SCN7A: variants seen among roughly 807,000 people sequenced by gnomAD.
SCN7A encodes sodium voltage-gated channel alpha subunit 7.
In SCN7A, 138 loss-of-function variants were observed where a neutral mutation model predicts 155.2. The observed-to-expected ratio is 0.89, with a 90% CI of 0.77 to 1.02. SCN7A has a LOEUF of 1.02. SCN7A is among the 50% of genes least tolerant of loss of function. The pLI is 0.00. For synonymous variants in SCN7A, 693 were observed against 649.0 expected (o/e 1.07, Z -1.03); for missense variants, 2,058 against 1,986.6 (o/e 1.04, Z -0.68).
intron 2 of SCN7A, among the ~76,000 whole-genome samples, chr2:166,480,445 G>A (rs1292224424): frequency 7.0e-6 from 1 of 141,852 alleles, no homozygotes; most frequent in African/African-American, 2.6e-5. Flanking sequence ...GTGAAAGAGC[G>A]AGACTCCGTC....
chr2:166,406,377 CA>C lies in SCN7A; in HGVS notation c.4251del (p.Phe1417LeufsTer69), dbSNP rs778293659. 2 of 1,613,044 alleles carry C rather than the reference CA, an allele frequency of 1.2e-6. No homozygotes were observed. The highest frequency in any genetic ancestry group is 3.3e-5 in the Admixed American group (2 of 59,866). ...KEAGINDVSN[F>X]ETFGNSMLCL... Reference sequence around the variant, plus strand: ...CAGAGCATACTGTTGCCAAAGGTTTCAAAATTAGACACATCATTAATTCCAG... The same window carrying C: ...CAGAGCATACTGTTGCCAAAGGTTTCAAATTAGACACATCATTAATTCCAG... On this transcript the variant is annotated frameshift_variant, in exon 26 of 26. Coordinates refer to ENST00000643258, the MANE Select transcript of SCN7A (RefSeq NM_002976.4). LOFTEE classifies it high-confidence loss of function.
In SCN7A at chr2:166,406,157, T is replaced by C. The variant is rs1461010221; in HGVS notation, c.4472A>G (p.Tyr1491Cys). 1 of 1,612,006 alleles carries C rather than the reference T, an allele frequency of 6.2e-7. No homozygotes were observed. Among genetic ancestry groups the C allele is most frequent in the African/African-American group, 1.3e-5 (1 of 74,790 alleles). ...LISWLIIVNM[Y>C]IVVVMEFLNI... ...TAAAAACTCCATGACAACAACAATG[T>C]ACATATTTACAATGATCAGCCATGA... Residue 1491 changes from tyrosine to cysteine, a missense_variant, in exon 26 of 26, where the codon TAC becomes TGC. By Grantham distance (194) the Tyr-to-Cys change is radical. Transcript: ENST00000643258.
intron 11 of SCN7A, among the ~76,000 whole-genome samples, chr2:166,452,420 T>C (rs1702193426): frequency 6.6e-6 from 1 of 152,130 alleles, no homozygotes. Flanking sequence ...GTCCTTCAGA[T>C]ACAATTTAGT....
chr2:166,474,239 C>A lies in SCN7A; in HGVS notation c.340G>T (p.Val114Phe). ...FNCIRRTTIK[V>F]LVHPFFQLFI... ...AGAAAAGGATATGGATGTACCAAAA[C>A]CTTGATAGTTGTTCTTCTAATACAA... The change falls in exon 4 of 26, where the codon GTT (valine) becomes TTT (phenylalanine). Residue 114 changes from valine to phenylalanine, a missense_variant. By Grantham distance (50) the Val-to-Phe change is conservative. Transcript: ENST00000643258. 6.7e-7 allele frequency: 1 copy of A among 1,489,392 alleles called. No homozygotes were observed. The highest frequency in any genetic ancestry group is 2.0e-4 in the Middle Eastern group (1 of 4,932). 92.3% of individuals were successfully genotyped at this position (1,489,392 alleles called of 1,614,324 possible). A position where few individuals can be genotyped will look rare whatever the true frequency, so the allele number is the denominator to read the frequency against.
chr2:166,423,668 T>C (rs1210565560), intron 18 of SCN7A, among the ~76,000 whole-genome samples: 8 of 152,042 alleles, frequency 5.3e-5, no homozygotes, highest in African/African-American at 1.4e-4. Context: ...CTAGTTCTTA[T>C]ATAGGCTGAA....
In SCN7A at chr2:166,441,660, G is replaced by T. The variant is rs756465998; in HGVS notation, c.1893C>A (p.Val631=). 8 of 1,613,784 alleles carry T rather than the reference G, an allele frequency of 5.0e-6. No individual in the cohort carries two copies. In the South Asian group the frequency reaches 8.8e-5, roughly 18 times the overall value. The change falls in exon 15 of 26, where the codon GTC becomes GTA. Residue 631 remains valine (V), a synonymous_variant. Transcript: ENST00000643258. ...AGAAGATGAATGTGAACAACAACAG[G>T]ACCAAGTCTTTCAGGGCCACCCATG... ...SNSWVALKDL[V]LLLFTFIFFS...
intron 2 of SCN7A, among the ~76,000 whole-genome samples, chr2:166,479,792 T>C (rs960738482): frequency 2.6e-5 from 4 of 152,160 alleles, no homozygotes; most frequent in African/African-American, 9.7e-5. Flanking sequence ...AAGACAGGGA[T>C]ATTTTTGCAA....
intron 23 of SCN7A, among the ~76,000 whole-genome samples, chr2:166,410,590 T>C (rs1011586891): frequency 5.3e-5 from 8 of 151,890 alleles, no homozygotes; most frequent in East Asian, 1.9e-4. Context: ...TATTTTCACA[T>C]AGGGTTGTAA....
chr2:166,412,201 T>C (rs1418762718), intron 23 of SCN7A, among the ~76,000 whole-genome samples: 2 of 152,080 alleles, frequency 1.3e-5, no homozygotes, highest in African/African-American at 4.8e-5. Flanking sequence ...TGTTTTTTTC[T>C]GGAACTCTTC....
Position 166,405,764 on chromosome 2 carries a change from C to T in SCN7A, c.4865G>A (p.Arg1622Gln), listed in dbSNP as rs188781935. 4,049 of 1,612,850 alleles carry T rather than the reference C, an allele frequency of 2.5e-3. 4 individuals carry two copies. The highest frequency in any genetic ancestry group is 3.0e-3 in the Non-Finnish European group (3,585 of 1,179,278). Residue 1622 changes from arginine to glutamine, a missense_variant, in exon 26 of 26, where the codon CGA (arginine) becomes CAA (glutamine). Physicochemically the swap from Arg to Gln is conservative, Grantham distance 43. Coordinates refer to ENST00000643258, the MANE Select transcript of SCN7A (RefSeq NM_002976.4). Reference sequence around the variant, plus strand: ...GGTTGCTGAAACTGCCTCTTGTTTTCGTTTCAAAGTAGTCGTAATTGGCTC... The same window carrying T: ...GGTTGCTGAAACTGCCTCTTGTTTTTGTTTCAAAGTAGTCGTAATTGGCTC... ...TCEPITTTLK[R>Q]KQEAVSATII...
intron 11 of SCN7A, among the ~76,000 whole-genome samples, chr2:166,454,237 A>G (rs1172239300): frequency 6.6e-6 from 1 of 152,194 alleles, no homozygotes; most frequent in Admixed American, 6.6e-5. Flanking sequence ...TAATCACTCA[A>G]TCTGAAGGAC....
intron 7 of SCN7A, among the ~76,000 whole-genome samples, chr2:166,467,098 A>G: frequency 6.6e-6 from 1 of 152,024 alleles, no homozygotes; most frequent in East Asian, 1.9e-4. Flanking sequence ...TCAAAGTATT[A>G]TACTAGATAT....
intron 10 of SCN7A, among the ~76,000 whole-genome samples, chr2:166,460,282 C>A (rs970324490): frequency 6.6e-6 from 1 of 151,908 alleles, no homozygotes; most frequent in Non-Finnish European, 1.5e-5. Flanking sequence ...ATTTTGGGGG[C>A]AATAAGTGAA....
intron 10 of SCN7A, among the ~76,000 whole-genome samples, chr2:166,458,686 C>T (rs10930224): frequency 0.28 from 42,897 of 151,950 alleles, 6,608 homozygotes; most frequent in Non-Finnish European, 0.35. Context: ...ATACTTGGCA[C>T]AGTGTTCCAA....
At chr2:166,448,721 G>A (rs947765203) in intron 11 of SCN7A, among the ~76,000 whole-genome samples, 5 of 152,136 alleles carry the variant, frequency 3.3e-5, no homozygotes, top group Non-Finnish European at 7.4e-5. Context: ...AATGGTTGTG[G>A]TATGATCCAT....
chr2:166,486,571 A>T (rs1446501053), intron 2 of SCN7A, among the ~76,000 whole-genome samples: 1 of 152,168 alleles, frequency 6.6e-6, no homozygotes, highest in African/African-American at 2.4e-5. Context: ...TCGATCATAC[A>T]AGCTCTGGAG....
chr2:166,413,061 T>A lies in SCN7A; in HGVS notation c.3468+7A>T, dbSNP rs372122344. The A allele has an allele frequency of 1.3e-6, 2 of 1,526,664 alleles. No homozygotes were observed. The highest frequency in any genetic ancestry group is 1.8e-6 in the Non-Finnish European group (2 of 1,132,786). 94.6% of individuals were successfully genotyped at this position (1,526,664 alleles called of 1,614,324 possible). On this transcript the variant is annotated splice_region_variant and intron_variant, in intron 22 of 25. Transcript: ENST00000643258. Reference sequence around the variant, plus strand: ...TAACAATGGCTTTAAAATGATATTATACTTACAGCAACAGAATCAATTGCT... The same window carrying A: ...TAACAATGGCTTTAAAATGATATTAAACTTACAGCAACAGAATCAATTGCT...
rs1044479369 is a variant in SCN7A, at chr2:166,450,482, G to T, written c.1291-2774C>A. 6.6e-5 allele frequency among the ~76,000 whole-genome samples: 10 copies of T among 152,072 alleles called. No homozygotes were observed. In the East Asian group the frequency reaches 1.9e-3, roughly 29 times the overall value. On this transcript the variant is annotated intron_variant, in intron 11 of 25. Transcript: ENST00000643258. ...AAAATAAAAGTTGAGAAAAAGAAAA[G>T]AAATTTAAAAAAAAAGTAATCTAAA...
rs540217558 is a variant in SCN7A, at chr2:166,417,211, C to A, written c.3136-226G>T. Among the ~76,000 whole-genome samples, 11 of 152,244 alleles carry A rather than the reference C, an allele frequency of 7.2e-5. No individual in the cohort carries two copies. In the South Asian group the frequency reaches 2.3e-3, roughly 32 times the overall value. On this transcript the variant is annotated intron_variant, in intron 20 of 25. Transcript: ENST00000643258. Reference sequence around the variant, plus strand: ...AAATCAGGCTGGGCGTGGTGGCTCACGCCTGTAATCCCAGCACTTTGGGAG... The same window carrying A: ...AAATCAGGCTGGGCGTGGTGGCTCAAGCCTGTAATCCCAGCACTTTGGGAG...
Sources: allele counts gnomAD v4.1 joint callset (sites outside exome capture counted in the v4.1 genomes callset), GRCh38; gene constraint gnomAD v4.1.1; transcripts MANE v1.5; gene names NCBI Gene and HGNC (gene_info 2026-07-23, HGNC 2026-07-21).